MTFR1: variants seen among roughly 807,000 people sequenced by gnomAD.
MTFR1 encodes the protein mitochondrial fission regulator 1, also known as chondrocyte protein with a poly-proline region.
In MTFR1, 28 loss-of-function variants were observed where a neutral mutation model predicts 38.8. That is an observed-to-expected ratio of 0.72 (90% CI 0.53 to 0.99). MTFR1 has a LOEUF of 0.99. Among genes scored for constraint, MTFR1 ranks in the 50% least tolerant of loss-of-function variants. MTFR1 has a pLI of 0.00. For synonymous variants in MTFR1, 145 were observed against 137.0 expected, an observed-to-expected ratio of 1.06 and a Z score of -0.41; for missense variants, 358 against 395.5, an observed-to-expected ratio of 0.91 and a Z score of 0.81.
chr8:65,691,463 T>C (rs1175399486), intron 3 of MTFR1, among the ~76,000 whole-genome samples: 1 of 152,080 alleles, frequency 6.6e-6, no homozygotes, highest in East Asian at 1.9e-4. Context: ...AATTATTTTG[T>C]ATTTTTAGTA....
chr8:65,682,729 C>T (rs1313573597), intron 3 of MTFR1: 1 of 980,656 alleles, frequency 1.0e-6, no homozygotes, highest in Non-Finnish European at 1.2e-6. Flanking sequence ...TCCTAGGTGA[C>T]CTCAAACATA....
upstream of MTFR1, among the ~76,000 whole-genome samples, chr8:65,644,253 A>C (rs775075125): frequency 6.6e-6 from 1 of 152,184 alleles, no homozygotes; most frequent in African/African-American, 2.4e-5. Flanking sequence ...TCCATGAGGC[A>C]CTTTGTAATC....
chr8:65,645,960 G>A (rs1379160481), intron 1 of MTFR1, among the ~76,000 whole-genome samples: 2 of 152,040 alleles, frequency 1.3e-5, no homozygotes, highest in Non-Finnish European at 2.9e-5. Flanking sequence ...GTAAAATAAG[G>A]GACATATTAA....
downstream of MTFR1, among the ~76,000 whole-genome samples, chr8:65,712,054 T>C (rs1805961209): frequency 6.6e-6 from 1 of 152,218 alleles, no homozygotes; most frequent in Admixed American, 6.5e-5. Flanking sequence ...ATAACAAGAT[T>C]TTAACCAAAG....
intron 2 of MTFR1, among the ~76,000 whole-genome samples, chr8:65,680,928 C>T (rs1191326333): frequency 9.2e-6 from 1 of 108,984 alleles, no homozygotes; most frequent in South Asian, 3.4e-4. Context: ...TTTTTTGAGA[C>T]GGAGTCTCGC....
intron 3 of MTFR1, among the ~76,000 whole-genome samples, chr8:65,752,410 AT>A (rs1808011252): frequency 6.6e-6 from 1 of 151,984 alleles, no homozygotes; most frequent in Non-Finnish European, 1.5e-5. Context: ...GAATGTTCAA[AT>A]TTTTTTTCAG....
chr8:65,771,969 A>T (rs1432185368), downstream of MTFR1, among the ~76,000 whole-genome samples: 1 of 152,008 alleles, frequency 6.6e-6, no homozygotes. Context: ...GGAGAATACC[A>T]GAACAACCTC....
chr8:65,683,846 T>G (rs932677721), intron 3 of MTFR1, among the ~76,000 whole-genome samples: 25 of 152,120 alleles, frequency 1.6e-4, no homozygotes, highest in African/African-American at 5.8e-4. Context: ...TTTTTAATAA[T>G]CAAAATGAAG....
rs532349158 is a variant in MTFR1, at chr8:65,739,422, C to T, written c.*48+19941C>T. 1.1e-4 allele frequency: 157 copies of T among 1,407,100 alleles called. No individual in the cohort carries two copies. In the East Asian group the frequency reaches 1.3e-3, roughly 12 times the overall value. The allele number at this position is 1,407,100 out of a possible 1,614,324, so 87.2% of individuals were successfully genotyped here. A position where few individuals can be genotyped will look rare whatever the true frequency, so the allele number is the denominator to read the frequency against. ...GGTTTGTTATAGAGCAATAGCTAACCGATATAACTGAGATAAAACTTAAAC... is the reference window on the plus strand; with the variant it reads ...GGTTTGTTATAGAGCAATAGCTAACTGATATAACTGAGATAAAACTTAAAC... On this transcript the variant is annotated intron_variant, in intron 3 of 3. Coordinates refer to the MTFR1 transcript ENST00000521247.
chr8:65,658,220 A>G (rs1809319844), intron 1 of MTFR1, among the ~76,000 whole-genome samples: 2 of 152,230 alleles, frequency 1.3e-5, no homozygotes, highest in Admixed American at 6.5e-5. Context: ...CCATGCTGTT[A>G]TAACTTTGTA....
At chr8:65,739,474 T>G in intron 3 of MTFR1, 1 of 1,525,320 alleles carries the variant, frequency 6.6e-7, no homozygotes, top group Non-Finnish European at 8.7e-7. Flanking sequence ...GTAAATCTTG[T>G]TACTGTTAAT....
intron 4 of MTFR1, among the ~76,000 whole-genome samples, chr8:65,698,632 G>A (rs759457552): frequency 6.6e-6 from 1 of 152,082 alleles, no homozygotes; most frequent in South Asian, 2.1e-4. Flanking sequence ...TTGGTGTACA[G>A]ATTATTTCAT....
intron 4 of MTFR1, among the ~76,000 whole-genome samples, chr8:65,699,687 C>T (rs918177292): frequency 6.6e-5 from 10 of 152,194 alleles, no homozygotes; most frequent in Admixed American, 4.6e-4. Context: ...GATCTCTACA[C>T]GCTGCTCTGT....
At chr8:65,684,690 T>C (rs1318796708) in intron 3 of MTFR1, among the ~76,000 whole-genome samples, 1 of 151,766 alleles carries the variant, frequency 6.6e-6, no homozygotes, top group Non-Finnish European at 1.5e-5. Flanking sequence ...TGGCCCATAC[T>C]GAGTCTTTTA....
intron 3 of MTFR1, among the ~76,000 whole-genome samples, chr8:65,732,438 G>A (rs1312040736): frequency 1.3e-5 from 2 of 152,198 alleles, no homozygotes; most frequent in Non-Finnish European, 2.9e-5. Flanking sequence ...GATAGAGCCT[G>A]GCATGTGGCA....
At chr8:65,708,937 G>A (rs754698713) in intron 7 of MTFR1, 39 bp from the exon 8 acceptor site, 1 of 1,600,810 alleles carries the variant, frequency 6.2e-7, no homozygotes, top group Non-Finnish European at 8.6e-7. Context: ...ACTGTTACTT[G>A]AACCAATATC....
At chr8:65,775,143 C>T (rs1809223286), downstream of MTFR1, among the ~76,000 whole-genome samples, 1 of 152,012 alleles carries the variant, frequency 6.6e-6, no homozygotes, top group African/African-American at 2.4e-5. Context: ...TGGTGTTTTC[C>T]CCTCTTAGTT....
intron 3 of MTFR1, among the ~76,000 whole-genome samples, chr8:65,729,662 C>A (rs543990410): frequency 6.6e-6 from 1 of 151,736 alleles, no homozygotes; most frequent in South Asian, 2.1e-4. Context: ...CTCCCAGGTT[C>A]AATCGATTCT....
chr8:65,732,235 G>A (rs1395376084), intron 3 of MTFR1, among the ~76,000 whole-genome samples: 3 of 152,112 alleles, frequency 2.0e-5, no homozygotes, highest in African/African-American at 4.8e-5. Context: ...CTGACCTCAG[G>A]TGATTCACCA....
Sources: gnomAD v4.1 joint callset for allele counts (sites outside exome capture counted in the v4.1 genomes callset) on GRCh38, gnomAD v4.1.1 for gene constraint, MANE v1.5 for transcripts, NCBI Gene and HGNC (gene_info 2026-07-23, HGNC 2026-07-21) for gene names.